IFT52: variants seen among roughly 807,000 people sequenced by gnomAD.
IFT52 encodes intraflagellar transport protein 52 homolog.
IFT52 carries 44 observed loss-of-function variants against 54.4 expected under a neutral mutation model. The observed-to-expected ratio is 0.81, with a 90% CI of 0.63 to 1.04. IFT52 has a LOEUF of 1.04. Among genes scored for constraint, IFT52 ranks in the 50% least tolerant of loss-of-function variants. The pLI, the probability that IFT52 is intolerant of heterozygous loss-of-function variation, is 0.00. For synonymous variants in IFT52, 181 were observed against 185.3 expected, an observed-to-expected ratio of 0.98 and a Z score of 0.19; for missense variants, 452 against 523.6, an observed-to-expected ratio of 0.86 and a Z score of 1.33.
At chr20:43,625,317 T>C (rs1345535654) in intron 10 of IFT52, among the ~76,000 whole-genome samples, 3 of 152,056 alleles carry the variant, frequency 2.0e-5, no homozygotes, top group African/African-American at 7.2e-5. Flanking sequence ...GAGACCAGCC[T>C]GGCCAACATG....
At chr20:43,624,481 C>T (rs978083925) in intron 10 of IFT52, among the ~76,000 whole-genome samples, 1 of 152,108 alleles carries the variant, frequency 6.6e-6, no homozygotes, top group African/African-American at 2.4e-5. Flanking sequence ...GTGTTCTGGG[C>T]ACTCTCAGTC....
At chr20:43,617,449 G>GTT (rs11290246) in intron 7 of IFT52, among the ~76,000 whole-genome samples, 1 of 145,554 alleles carries the variant, frequency 6.9e-6, no homozygotes, top group Non-Finnish European at 1.5e-5. Context: ...TAGTTTTCTG[G>GTT]TTTTTTTTTT....
intron 12 of IFT52, chr20:43,642,155 T>G (rs1985960953): frequency 4.4e-6 from 1 of 225,236 alleles, no homozygotes; most frequent in Non-Finnish European, 8.6e-6. Flanking sequence ...TATAGTCATC[T>G]TTGTTGCATT....
At position 43,645,519 on chromosome 20, in the gene IFT52, T is replaced by C. The variant is rs1258877163; in HGVS notation, c.1267-1417T>C. 3.6e-5 allele frequency among the ~76,000 whole-genome samples: 2 copies of C among 55,828 alleles called. 1 individual carries two copies. Among genetic ancestry groups the C allele is most frequent in the Non-Finnish European group, 8.5e-5 (2 of 23,668 alleles). The allele number at this position is 55,828 out of a possible 152,430, so 36.6% of individuals were successfully genotyped here. A position where few individuals can be genotyped will look rare whatever the true frequency, so the allele number is the denominator to read the frequency against. On this transcript the variant is annotated intron_variant, in intron 13 of 13. Transcript: ENST00000373030. The stretch of plus-strand genomic sequence containing the variant: ...TTGCAGTGAGCTGAGATCATGCCAC[T>C]GCACTCCAGCCTGGGTGACAGAGTA...
chr20:43,597,510 G>A (rs2145586056), intron 3 of IFT52, among the ~76,000 whole-genome samples: 1 of 152,302 alleles, frequency 6.6e-6, no homozygotes, highest in South Asian at 2.1e-4. Context: ...GGAAGTTATT[G>A]GAACCCTTCC....
rs756151196 is a variant in IFT52, at chr20:43,647,004, T to C, written c.*21T>C. 3 of 1,604,654 alleles carry C rather than the reference T, an allele frequency of 1.9e-6. No individual in the cohort carries two copies. The highest frequency in any genetic ancestry group is 2.6e-6 in the Non-Finnish European group (3 of 1,171,684). On this transcript the variant is annotated 3_prime_UTR_variant, in exon 14 of 14. Coordinates refer to ENST00000373030, the MANE Select transcript of IFT52 (RefSeq NM_016004.5). ...TCTGAAGACCATGCCTCTTGAAGCT[T>C]TTTCTGCCTCCTGATTCTCTCTTTG... is the stretch of plus-strand genomic sequence containing the variant.
chr20:43,627,365 T>C (rs1252154938), intron 10 of IFT52, among the ~76,000 whole-genome samples: 1 of 152,192 alleles, frequency 6.6e-6, no homozygotes, highest in East Asian at 1.9e-4. Context: ...GAATTTATCA[T>C]TGGATTTAGC....
chr20:43,621,447 T>A (rs1233829953), intron 9 of IFT52, among the ~76,000 whole-genome samples: 1 of 152,138 alleles, frequency 6.6e-6, no homozygotes, highest in Non-Finnish European at 1.5e-5. Flanking sequence ...TAGTTTTCTT[T>A]ATTAAAAAAA....
intron 1 of IFT52, among the ~76,000 whole-genome samples, chr20:43,592,204 C>T (rs1347556898): frequency 2.0e-5 from 3 of 152,076 alleles, no homozygotes; most frequent in Non-Finnish European, 4.4e-5. Context: ...TGGCGCGCGC[C>T]TGTAATCCCA....
intron 2 of IFT52, among the ~76,000 whole-genome samples, chr20:43,595,138 A>G (rs1981835038): frequency 6.6e-6 from 1 of 151,346 alleles, no homozygotes; most frequent in Non-Finnish European, 1.5e-5. Flanking sequence ...AGATGGTGAA[A>G]CCCCATCGCT....
intron 10 of IFT52, among the ~76,000 whole-genome samples, chr20:43,627,548 A>G (rs1381701055): frequency 6.6e-6 from 1 of 152,222 alleles, no homozygotes; most frequent in Non-Finnish European, 1.5e-5. Context: ...GTCAGTAACT[A>G]GCTGGAGGAA....
intron 10 of IFT52, among the ~76,000 whole-genome samples, chr20:43,628,974 G>A (rs1050999730): frequency 2.0e-5 from 3 of 152,118 alleles, no homozygotes; most frequent in African/African-American, 7.2e-5. Flanking sequence ...CCAGTCCCAC[G>A]GGAGGTTAGA....
intron 2 of IFT52, among the ~76,000 whole-genome samples, chr20:43,595,036 G>A (rs1308365923): frequency 1.3e-5 from 2 of 151,518 alleles, no homozygotes; most frequent in Non-Finnish European, 2.9e-5. Flanking sequence ...ATCAAGACTG[G>A]CCGGCACGGT....
chr20:43,603,011 T>C (rs928964858), intron 3 of IFT52, among the ~76,000 whole-genome samples: 2 of 152,222 alleles, frequency 1.3e-5, no homozygotes, highest in African/African-American at 4.8e-5. Flanking sequence ...ATATTTTATA[T>C]AGAGATACAT....
chr20:43,637,188 A>G lies in IFT52; in HGVS notation c.1055A>G (p.Glu352Gly). The change falls in exon 12 of 14, where the codon GAG (glutamate) becomes GGG (glycine). Residue 352 changes from glutamate (E) to glycine (G), a missense_variant. Physicochemically the swap from Glu to Gly is moderately conservative, Grantham distance 98 (BLOSUM62 -2). Coordinates refer to ENST00000373030, the MANE Select transcript of IFT52 (RefSeq NM_016004.5). Reference sequence around the variant, plus strand: ...CGGGAGTTACCACCTCCTCCTCTGGAGCTATTTGATTTAGATGAAACGTTC... The same window carrying G: ...CGGGAGTTACCACCTCCTCCTCTGGGGCTATTTGATTTAGATGAAACGTTC... ...SFRELPPPPLELFDLDETFSS... is the reference protein window; with the variant it reads ...SFRELPPPPLGLFDLDETFSS... 6.2e-7 allele frequency: 1 copy of G among 1,609,964 alleles called. No homozygotes were observed. Among genetic ancestry groups the G allele is most frequent in the African/African-American group, 1.3e-5 (1 of 74,402 alleles).
At chr20:43,602,213 G>A (rs1434342630) in intron 3 of IFT52, among the ~76,000 whole-genome samples, 1 of 151,426 alleles carries the variant, frequency 6.6e-6, no homozygotes, top group Non-Finnish European at 1.5e-5. Context: ...TCGCCAGGCT[G>A]GAGTGCATTG....
rs1175151068 is a variant in IFT52, at chr20:43,643,709, T to C, written c.1266+1085T>C. ...GTGCAAAGTTCCTAAGGCTGGGCTG[T>C]GCCTGGTATGCTTGACGAACGGCAG... On this transcript the variant is annotated intron_variant, in intron 13 of 13. Transcript: ENST00000373030. 3.4e-5 allele frequency among the ~76,000 whole-genome samples: 2 copies of C among 58,268 alleles called. 1 individual carries two copies. Among genetic ancestry groups the C allele is most frequent in the Non-Finnish European group, 8.2e-5 (2 of 24,308 alleles). 38.2% of individuals were successfully genotyped at this position (58,268 alleles called of 152,430 possible).
Position 43,613,947 on chromosome 20 carries a change from A to G in IFT52, c.583A>G (p.Arg195Gly), listed in dbSNP as rs1374316969. ...AGGTTCTGTCTGCTTCCCACTTAAC[A>G]GACCCATTTTGGCTTTCTATCACTC... ...STGSVCFPLN[R>G]PILAFYHSKN... is the part of the protein sequence containing the mutation. The change falls in exon 7 of 14, where the codon AGA becomes GGA. Residue 195 changes from arginine (R) to glycine (G), a missense_variant. By Grantham distance (125) the Arg-to-Gly change is moderately radical. Coordinates refer to ENST00000373030, the MANE Select transcript of IFT52 (RefSeq NM_016004.5). 1.2e-6 allele frequency: 2 copies of G among 1,614,082 alleles called. No homozygotes were observed.
intron 5 of IFT52, 51 bp downstream of exon 5, chr20:43,604,309 C>A: frequency 7.5e-7 from 1 of 1,341,296 alleles, no homozygotes; most frequent in Non-Finnish European, 1.1e-6. Flanking sequence ...TCGCTCACAC[C>A]TGTAATCCCA....
Sources: gnomAD v4.1 joint callset for allele counts (sites outside exome capture counted in the v4.1 genomes callset) on GRCh38, gnomAD v4.1.1 for gene constraint, MANE v1.5 for transcripts, NCBI Gene and HGNC (gene_info 2026-07-23, HGNC 2026-07-21) for gene names.